DPH6: variants seen among roughly 807,000 people sequenced by gnomAD.
The protein encoded by DPH6 is diphthine--ammonia ligase.
In DPH6, 33 loss-of-function variants were observed where a neutral mutation model predicts 38.2. That is an observed-to-expected ratio of 0.86 (90% CI 0.65 to 1.15). The LOEUF (loss-of-function observed/expected upper bound fraction) is 1.15, where lower values mean the gene tolerates loss of function less well. DPH6 is among the 50% of genes most tolerant of loss of function. DPH6 has a pLI of 0.00. For synonymous variants in DPH6, 108 were observed against 103.0 expected (o/e 1.05, Z -0.30); for missense variants, 325 against 320.0 (o/e 1.02, Z -0.12).
intron 3 of DPH6, among the ~76,000 whole-genome samples, chr15:35,281,742 T>C (rs2051900745): frequency 6.6e-6 from 1 of 152,188 alleles, no homozygotes; most frequent in South Asian, 2.1e-4. Flanking sequence ...AGTCAGGCAA[T>C]GAATCTCTGA....
At chr15:35,165,750 GA>G in the DPH6 span, among the ~76,000 whole-genome samples, 20 of 151,988 alleles carry the variant, frequency 1.3e-4, no homozygotes, top group African/African-American at 4.8e-4. Context: ...TCAGTAATTA[GA>G]AGACCGAAGT....
chr15:35,380,737 C>A (rs1483936195), intron 7 of DPH6, among the ~76,000 whole-genome samples: 1 of 152,142 alleles, frequency 6.6e-6, no homozygotes, highest in Non-Finnish European at 1.5e-5. Context: ...AATATGTCCT[C>A]TCCCATAAAT....
intron 5 of DPH6, among the ~76,000 whole-genome samples, chr15:35,448,836 CAT>C (rs1381976408): frequency 6.6e-6 from 1 of 151,948 alleles, no homozygotes; most frequent in Non-Finnish European, 1.5e-5. Flanking sequence ...GCCTATAAGA[CAT>C]AAAGGTTACA....
intron 3 of DPH6, among the ~76,000 whole-genome samples, chr15:35,473,193 C>A (rs919130244): frequency 6.6e-6 from 1 of 152,042 alleles, no homozygotes; most frequent in Non-Finnish European, 1.5e-5. Flanking sequence ...TTAACAAATG[C>A]TATGGATATT....
intron 3 of DPH6, among the ~76,000 whole-genome samples, chr15:35,497,974 TAC>T (rs200807712): frequency 0.02 from 3,050 of 152,322 alleles, 34 homozygotes; most frequent in Non-Finnish European, 0.033. Context: ...CTTATTGAGC[TAC>T]ACTCTTCTTT....
At chr15:35,163,530 A>C in the DPH6 span, among the ~76,000 whole-genome samples, 1 of 151,948 alleles carries the variant, frequency 6.6e-6, no homozygotes, top group Admixed American at 6.6e-5. Context: ...GAATAAGCTA[A>C]TGCATATTTG....
chr15:35,414,600 A>G (rs1474443810), intron 5 of DPH6, among the ~76,000 whole-genome samples: 1 of 151,684 alleles, frequency 6.6e-6, no homozygotes, highest in Non-Finnish European at 1.5e-5. Context: ...TTTCCTTGAA[A>G]CACCTATTAC....
chr15:35,292,549 T>C (rs1445671897), intron 3 of DPH6, among the ~76,000 whole-genome samples: 1 of 152,122 alleles, frequency 6.6e-6, no homozygotes, highest in Non-Finnish European at 1.5e-5. Flanking sequence ...GTCTTCATTA[T>C]TTTTTTCGGC....
chr15:35,522,261 G>A (rs771951590), intron 3 of DPH6: 1 of 1,613,062 alleles, frequency 6.2e-7, no homozygotes, highest in Middle Eastern at 1.7e-4. Context: ...CAGCAAGCAA[G>A]GTCATTCTAG....
rs549830805 is a variant in DPH6, at chr15:35,431,635, C to T, written c.505+19050G>A. ...GTTACAAGAATTAGAGAAAAAAATC[C>T]ATAAGAAAGGAATCCATAAGAAAGA... is the stretch of plus-strand genomic sequence containing the variant. On this transcript the variant is annotated intron_variant, in intron 5 of 8. Coordinates refer to ENST00000256538, the MANE Select transcript of DPH6 (RefSeq NM_080650.4). 3.3e-5 allele frequency among the ~76,000 whole-genome samples: 5 copies of T among 151,276 alleles called. No homozygotes were observed. In the East Asian group the frequency reaches 7.7e-4, roughly 23 times the overall value.
intron 5 of DPH6, among the ~76,000 whole-genome samples, chr15:35,434,145 C>T: frequency 6.6e-6 from 1 of 152,104 alleles, no homozygotes; most frequent in Non-Finnish European, 1.5e-5. Flanking sequence ...TACAGCAGGC[C>T]AGTTTGAGTC....
At chr15:35,152,331 T>G in the DPH6 span, among the ~76,000 whole-genome samples, 2 of 152,144 alleles carry the variant, frequency 1.3e-5, no homozygotes, top group South Asian at 4.1e-4. Context: ...CCACTGCATA[T>G]TGTGTCATCC....
rs1222855547 is a variant in DPH6, at chr15:35,373,533, G to C, written c.738C>G (p.His246Gln). 2 of 1,603,652 alleles carry C rather than the reference G, an allele frequency of 1.2e-6. No individual in the cohort carries two copies. The highest frequency in any genetic ancestry group is 1.3e-5 in the African/African-American group (1 of 74,318). The change falls in exon 8 of 9, where the codon CAC becomes CAG. Residue 246 changes from histidine (H) to glutamine (Q), a missense_variant. Coordinates refer to ENST00000256538, the MANE Select transcript of DPH6 (RefSeq NM_080650.4). ...TAGATTTACTTGCCTTGTCCTCCAA[G>C]TGCAATTCTAAAAAGCGTAGATAAG... is the stretch of plus-strand genomic sequence containing the variant. ...PVAYLRFLEL[H>Q]LEDKVSSVPD...
intron 3 of DPH6, among the ~76,000 whole-genome samples, chr15:35,262,673 T>G (rs1452383022): frequency 8.3e-6 from 1 of 120,094 alleles, no homozygotes; most frequent in Non-Finnish European, 1.6e-5. Context: ...GCCACTGCAC[T>G]CCAGCCTGCG....
intron 5 of DPH6, among the ~76,000 whole-genome samples, chr15:35,420,980 G>GT (rs2053497951): frequency 6.6e-6 from 1 of 152,064 alleles, no homozygotes; most frequent in Admixed American, 6.6e-5. Flanking sequence ...ATAAACAACT[G>GT]TATTATTAAC....
chr15:35,257,946 C>T (rs1295316241), intron 3 of DPH6, among the ~76,000 whole-genome samples: 1 of 152,142 alleles, frequency 6.6e-6, no homozygotes, highest in Non-Finnish European at 1.5e-5. Flanking sequence ...TATCAAGCGG[C>T]TACTTAATCC....
chr15:35,362,564 T>A (rs2052622671), intron 3 of DPH6, among the ~76,000 whole-genome samples: 1 of 152,236 alleles, frequency 6.6e-6, no homozygotes, highest in African/African-American at 2.4e-5. Flanking sequence ...CTTTCTATTT[T>A]TCTTTGTAAC....
chr15:35,317,993 GA>G (rs908577284), intron 3 of DPH6, among the ~76,000 whole-genome samples: 20 of 149,136 alleles, frequency 1.3e-4, no homozygotes, highest in African/African-American at 4.2e-4. Flanking sequence ...TTGTAAAGAA[GA>G]AAAAAAAAGG....
chr15:35,499,695 T>G (rs746582914), intron 3 of DPH6, among the ~76,000 whole-genome samples: 44 of 152,138 alleles, frequency 2.9e-4, no homozygotes, highest in Non-Finnish European at 6.2e-4. Context: ...ACTTAAGTAT[T>G]AAGGGAAATA....
Sources: gnomAD v4.1 joint callset for allele counts (sites outside exome capture counted in the v4.1 genomes callset) on GRCh38, gnomAD v4.1.1 for gene constraint, MANE v1.5 for transcripts, NCBI Gene and HGNC (gene_info 2026-07-23, HGNC 2026-07-21) for gene names.